IQGAP2: variants seen among roughly 807,000 people sequenced by gnomAD.
IQGAP2 encodes IQ motif containing GTPase activating protein 2.
A neutral mutation model predicts 201.3 loss-of-function variants in IQGAP2; 173 were observed. That is an observed-to-expected ratio of 0.86 (90% CI 0.76 to 0.98). IQGAP2 has a LOEUF of 0.98. IQGAP2 is among the 50% of genes least tolerant of loss of function. The pLI is 0.00. For synonymous variants in IQGAP2, 675 were observed against 673.9 expected (o/e 1.00, Z -0.03); for missense variants, 1,687 against 1,864.8 (o/e 0.90, Z 1.76).
intron 2 of IQGAP2, among the ~76,000 whole-genome samples, chr5:76,556,270 T>C (rs1013332032): frequency 1.3e-5 from 2 of 152,118 alleles, no homozygotes; most frequent in Admixed American, 6.5e-5. Flanking sequence ...CACCCTAATC[T>C]TCTTATGCAA....
At chr5:76,482,724 G>A (rs1375354006) in intron 2 of IQGAP2, among the ~76,000 whole-genome samples, 1 of 152,182 alleles carries the variant, frequency 6.6e-6, no homozygotes, top group African/African-American at 2.4e-5. Flanking sequence ...ATAGCCCCTT[G>A]GTTATCAGAG....
At chr5:76,597,775 C>G (rs1045829020) in intron 10 of IQGAP2, among the ~76,000 whole-genome samples, 173 bp downstream of exon 10, 1 of 152,176 alleles carries the variant, frequency 6.6e-6, no homozygotes, top group Non-Finnish European at 1.5e-5. Context: ...TTAATTCTTG[C>G]TTTTAGTCTA....
At chr5:76,502,383 C>T (rs1052159724) in intron 2 of IQGAP2, among the ~76,000 whole-genome samples, 1 of 152,210 alleles carries the variant, frequency 6.6e-6, no homozygotes, top group Admixed American at 6.5e-5. Context: ...AGCTTTGCCA[C>T]AGTGTTTTTT....
At chr5:76,529,497 G>A (rs1031408506) in intron 2 of IQGAP2, among the ~76,000 whole-genome samples, 22 of 152,000 alleles carry the variant, frequency 1.4e-4, no homozygotes, top group African/African-American at 3.4e-4. Flanking sequence ...GTGTAGTGGC[G>A]CACGCCTGTA....
At chr5:76,695,158 G>A (rs756098428) in intron 31 of IQGAP2, among the ~76,000 whole-genome samples, 1 of 152,160 alleles carries the variant, frequency 6.6e-6, no homozygotes, top group Non-Finnish European at 1.5e-5. Flanking sequence ...ATCCTTCCAT[G>A]TGGGGAACAA....
chr5:76,469,849 T>C (rs1755008176), intron 2 of IQGAP2, among the ~76,000 whole-genome samples: 2 of 152,226 alleles, frequency 1.3e-5, no homozygotes, highest in Non-Finnish European at 2.9e-5. Context: ...GAATCACTTC[T>C]GTTAAGAGGC....
intron 2 of IQGAP2, among the ~76,000 whole-genome samples, chr5:76,558,202 C>T (rs1580453662): frequency 6.6e-6 from 1 of 152,228 alleles, no homozygotes; most frequent in East Asian, 1.9e-4. Context: ...AAATATCATA[C>T]TTCGGGGAGC....
At chr5:76,664,820 ACAATAGG>A (rs1561566996) in intron 21 of IQGAP2, among the ~76,000 whole-genome samples, 199 bp from the exon 22 acceptor site, 1 of 152,200 alleles carries the variant, frequency 6.6e-6, no homozygotes, top group African/African-American at 2.4e-5. Context: ...AAAAATGGTG[ACAATAGG>A]CATGTTCAAT....
At chr5:76,567,327 G>A (rs1477812557) in intron 3 of IQGAP2, among the ~76,000 whole-genome samples, 3 of 152,136 alleles carry the variant, frequency 2.0e-5, no homozygotes, top group East Asian at 1.9e-4. Flanking sequence ...TTCGGATTTC[G>A]GATTTTGGGA....
chr5:76,461,873 G>A (rs1186902888), intron 2 of IQGAP2, among the ~76,000 whole-genome samples: 1 of 152,208 alleles, frequency 6.6e-6, no homozygotes, highest in Non-Finnish European at 1.5e-5. Context: ...AGGCCAGTGG[G>A]CTAGGGGATG....
chr5:76,412,873 C>T (rs1376066513), intron 1 of IQGAP2, among the ~76,000 whole-genome samples: 2 of 152,166 alleles, frequency 1.3e-5, no homozygotes, highest in South Asian at 2.1e-4. Flanking sequence ...CCTCAGTTTC[C>T]TCATCTGTAA....
At chr5:76,486,049 A>AATTAATGAT (rs1171339637) in intron 2 of IQGAP2, among the ~76,000 whole-genome samples, 44 of 152,320 alleles carry the variant, frequency 2.9e-4, no homozygotes, top group Admixed American at 1.7e-3. Flanking sequence ...GCCAAGGGCC[A>AATTAATGAT]ATTAATGATA....
intron 1 of IQGAP2, among the ~76,000 whole-genome samples, chr5:76,428,483 G>A (rs1189228331): frequency 1.3e-5 from 2 of 149,204 alleles, no homozygotes; most frequent in African/African-American, 4.9e-5. Flanking sequence ...TGTTGCCCAG[G>A]CTGGAGTGCA....
At chr5:76,629,030 A>G (rs985561082) in intron 14 of IQGAP2, among the ~76,000 whole-genome samples, 8 of 152,214 alleles carry the variant, frequency 5.3e-5, no homozygotes, top group African/African-American at 1.9e-4. Context: ...TTGTTCTTAC[A>G]TTCGGCCTGC....
At chr5:76,534,298 G>C (rs1299119505) in intron 2 of IQGAP2, among the ~76,000 whole-genome samples, 1 of 152,154 alleles carries the variant, frequency 6.6e-6, no homozygotes, top group Non-Finnish European at 1.5e-5. Context: ...ACATCCTACT[G>C]ATCAAGGTTA....
chr5:76,646,185 A>G (rs1752021757), intron 17 of IQGAP2, among the ~76,000 whole-genome samples: 1 of 152,198 alleles, frequency 6.6e-6, no homozygotes, highest in South Asian at 2.1e-4. Context: ...ATGGAATCCC[A>G]GTGACCCACG....
intron 1 of IQGAP2, among the ~76,000 whole-genome samples, chr5:76,419,796 TAC>T (rs991671145): frequency 2.0e-5 from 3 of 152,078 alleles, no homozygotes; most frequent in Non-Finnish European, 4.4e-5. Context: ...CCATTCCATC[TAC>T]AGACATTGGG....
chr5:76,697,250 C>T (rs1169534932), intron 32 of IQGAP2, among the ~76,000 whole-genome samples: 1 of 152,120 alleles, frequency 6.6e-6, no homozygotes, highest in African/African-American at 2.4e-5. Context: ...AAATATTTGT[C>T]AGATGAAAAA....
intron 28 of IQGAP2, among the ~76,000 whole-genome samples, chr5:76,678,616 C>A (rs1745031780): frequency 6.6e-6 from 1 of 152,148 alleles, no homozygotes; most frequent in Admixed American, 6.5e-5. Context: ...TTAGAACCTG[C>A]ATTGTAACAA....
Sources: allele counts gnomAD v4.1 joint callset (sites outside exome capture counted in the v4.1 genomes callset), GRCh38; gene constraint gnomAD v4.1.1; transcripts MANE v1.5; gene names NCBI Gene and HGNC (gene_info 2026-07-23, HGNC 2026-07-21).